Variants in AVEN observed in about 807,000 individuals in gnomAD.
AVEN encodes cell death regulator Aven.
A neutral mutation model predicts 38.1 loss-of-function variants in AVEN; 41 were observed. The observed-to-expected ratio is 1.08, with a 90% confidence interval of 0.84 to 1.40. AVEN has a LOEUF of 1.40. Among genes scored for constraint, AVEN ranks in the 40% most tolerant of loss-of-function variants. The pLI is 0.00. For synonymous variants in AVEN, 206 were observed against 171.8 expected, an observed-to-expected ratio of 1.20 and a Z score of -1.56; for missense variants, 605 against 438.8, an observed-to-expected ratio of 1.38 and a Z score of -3.38.
At chr15:33,924,891 G>A (rs889745179) in intron 2 of AVEN, among the ~76,000 whole-genome samples, 13 of 152,152 alleles carry the variant, frequency 8.5e-5, no homozygotes, top group Non-Finnish European at 1.8e-4. Flanking sequence ...GATAATATAT[G>A]TAATTCATTA....
intron 2 of AVEN, among the ~76,000 whole-genome samples, chr15:33,918,357 T>C (rs1357208773): frequency 6.6e-6 from 1 of 152,140 alleles, no homozygotes; most frequent in Non-Finnish European, 1.5e-5. Flanking sequence ...AGCCATAGTT[T>C]TCTAAATCTT....
At chr15:33,891,818 A>G (rs1185435109) in intron 2 of AVEN, among the ~76,000 whole-genome samples, 1 of 152,198 alleles carries the variant, frequency 6.6e-6, no homozygotes, top group Non-Finnish European at 1.5e-5. Flanking sequence ...GTCTTCCACA[A>G]TGGTGGAACC....
intron 2 of AVEN, among the ~76,000 whole-genome samples, chr15:33,892,047 C>T (rs956591377): frequency 6.6e-6 from 1 of 152,202 alleles, no homozygotes; most frequent in Non-Finnish European, 1.5e-5. Context: ...AGTGTCTGTT[C>T]ATATCCTTTG....
intron 5 of AVEN, among the ~76,000 whole-genome samples, chr15:34,056,990 G>A (rs1900177911): frequency 6.6e-6 from 1 of 152,124 alleles, no homozygotes. Flanking sequence ...AGTGAACTAT[G>A]ATCACACCAC....
At chr15:33,918,458 C>CTTTTTTTTTTTTTTTTTTTTTTTTT (rs33928063) in intron 2 of AVEN, among the ~76,000 whole-genome samples, 2 of 84,482 alleles carry the variant, frequency 2.4e-5, no homozygotes, top group East Asian at 3.9e-4. Context: ...TAAATTACAG[C>CTTTTTTTTTTTTTTTTTTTTTTTTT]TTTTTTTTTT....
rs1434995879 is a variant in AVEN, at chr15:34,038,906, TCCGTCCCCGCCG to T, written c.129_140del (p.Asp46_Gly49del). 2.6e-5 allele frequency: 29 copies of T among 1,116,460 alleles called. No homozygotes were observed. Among genetic ancestry groups the T allele is most frequent in the Non-Finnish European group, 3.1e-5 (29 of 922,270 alleles). 69.2% of individuals were successfully genotyped at this position (1,116,460 alleles called of 1,614,324 possible). On this transcript the variant is annotated inframe_deletion, in exon 1 of 6. Coordinates refer to ENST00000306730, the MANE Select transcript of AVEN (RefSeq NM_020371.3). ...CACGGCCACGGCCCCGGCGTCCGCC[TCCGTCCCCGCCG>T]CCGCCTCCGCCGCCGCCTCTGGCTA... is the stretch of plus-strand genomic sequence containing the variant.
chr15:33,917,755 T>C (rs117848231), intron 2 of AVEN, among the ~76,000 whole-genome samples: 1 of 152,154 alleles, frequency 6.6e-6, no homozygotes, highest in South Asian at 2.1e-4. Context: ...AAACGTCATA[T>C]GTTCTCACTC....
exon 12 of AVEN, chr15:33,859,077 G>A (rs2080053792): frequency 6.5e-6 from 1 of 154,488 alleles, no homozygotes; most frequent in Non-Finnish European, 1.4e-5. Context: ...GGGAGCCCGT[G>A]CCTAGATTGG....
chr15:33,953,858 T>C (rs1465278612), intron 2 of AVEN, among the ~76,000 whole-genome samples: 4 of 152,144 alleles, frequency 2.6e-5, no homozygotes, highest in African/African-American at 9.7e-5. Context: ...AGGCAACCTA[T>C]ACAATGGAAG....
rs1890496913 is a variant in AVEN, at chr15:33,866,400, T to TAGATTAC, written c.*206_*212dup. The TAGATTAC allele has an allele frequency of 1.7e-6, 1 of 576,646 alleles. No individual in the cohort carries two copies. Among genetic ancestry groups the TAGATTAC allele is most frequent in the African/African-American group, 1.9e-5 (1 of 53,498 alleles). The allele number at this position is 576,646 out of a possible 1,614,324, so 35.7% of individuals were successfully genotyped here. Reference sequence around the variant, plus strand: ...ATCTCCTGCCCTTAAGGAAATCTATTAGATTACTAAGCCAGAAAAACAAAT... The same window carrying TAGATTAC: ...ATCTCCTGCCCTTAAGGAAATCTATTAGATTACAGATTACTAAGCCAGAAAAACAAAT... On this transcript the variant is annotated 3_prime_UTR_variant, in exon 6 of 6. Coordinates refer to ENST00000306730, the MANE Select transcript of AVEN (RefSeq NM_020371.3).
chr15:33,900,869 G>T (rs116914401), intron 2 of AVEN, among the ~76,000 whole-genome samples: 1 of 152,070 alleles, frequency 6.6e-6, no homozygotes, highest in Non-Finnish European at 1.5e-5. Context: ...ACCTTGAGAC[G>T]TATCTTCTAC....
intron 2 of AVEN, among the ~76,000 whole-genome samples, chr15:33,964,777 T>C (rs1315501306): frequency 6.6e-6 from 1 of 152,168 alleles, no homozygotes; most frequent in Non-Finnish European, 1.5e-5. Context: ...ACACATTCCC[T>C]ATATATTAAA....
downstream of AVEN, chr15:33,864,302 G>A (rs1889641766): frequency 5.0e-6 from 4 of 796,222 alleles, no homozygotes; most frequent in Admixed American, 2.5e-5. Flanking sequence ...TCCCGTGAAT[G>A]CATTTTCCCA....
chr15:34,073,207 A>ATTTT (rs761265891), intron 1 of AVEN, among the ~76,000 whole-genome samples: 8 of 111,874 alleles, frequency 7.2e-5, no homozygotes, highest in African/African-American at 2.3e-4. Context: ...CGCCCGGCTA[A>ATTTT]TTTTTTTTTT....
At chr15:33,983,393 A>C (rs1896275735) in intron 2 of AVEN, among the ~76,000 whole-genome samples, 1 of 151,930 alleles carries the variant, frequency 6.6e-6, no homozygotes, top group Non-Finnish European at 1.5e-5. Flanking sequence ...AGTTAACATA[A>C]ACGCTTCCAT....
intron 1 of AVEN, among the ~76,000 whole-genome samples, chr15:34,006,194 C>G (rs747297977): frequency 3.0e-4 from 45 of 152,162 alleles, no homozygotes; most frequent in Admixed American, 1.2e-3. Flanking sequence ...ACCTGTAGTC[C>G]CAGCTACTCA....
intron 2 of AVEN, among the ~76,000 whole-genome samples, chr15:33,929,916 A>G (rs77253989): frequency 0.042 from 6,427 of 152,292 alleles, 303 homozygotes; most frequent in African/African-American, 0.12. Flanking sequence ...TAAAAAGTCT[A>G]TGATAACCGG....
At chr15:33,907,712 A>C (rs142323015) in intron 2 of AVEN, among the ~76,000 whole-genome samples, 2 of 152,070 alleles carry the variant, frequency 1.3e-5, no homozygotes, top group Non-Finnish European at 2.9e-5. Context: ...TTGTTTCTCT[A>C]AAGTCCTAAT....
In AVEN at chr15:33,918,458, C is replaced by CTTTTTTTTTTTTTTTTTTTTT. The variant is rs33928063; in HGVS notation, c.446-42484_446-42464dup. On this transcript the variant is annotated intron_variant, in intron 2 of 5. Transcript: ENST00000306730. ...GTGTCTTCCCAGTCTTAAATTACAG[C>CTTTTTTTTTTTTTTTTTTTTT]TTTTTTTTTTTTTTTTTTTTTTTTT... Among the ~76,000 whole-genome samples, 7 of 84,504 alleles carry CTTTTTTTTTTTTTTTTTTTTT rather than the reference C, an allele frequency of 8.3e-5. 1 individual carries two copies. Among genetic ancestry groups the CTTTTTTTTTTTTTTTTTTTTT allele is most frequent in the African/African-American group, 3.0e-4 (6 of 20,246 alleles). 55.4% of individuals were successfully genotyped at this position (84,504 alleles called of 152,430 possible). A position where few individuals can be genotyped will look rare whatever the true frequency, so the allele number is the denominator to read the frequency against.
Sources: gnomAD v4.1 joint callset for allele counts (sites outside exome capture counted in the v4.1 genomes callset) on GRCh38, gnomAD v4.1.1 for gene constraint, MANE v1.5 for transcripts, NCBI Gene and HGNC (gene_info 2026-07-23, HGNC 2026-07-21) for gene names.